The following NAV2 variants were observed in gnomAD, a reference collection of about 807,000 sequenced individuals.
NAV2 encodes the protein helicase, APC down-regulated 1.
In NAV2, 54 loss-of-function variants were observed where a neutral mutation model predicts 223.2. The ratio of observed to expected loss-of-function variants is 0.24; its 90% CI spans 0.19 to 0.30. The LOEUF is 0.30. NAV2 is among the 10% of genes least tolerant of loss of function. The probability of loss-of-function intolerance (pLI) is 1.00; values close to 1 mark genes in which losing one functional copy is unlikely to be tolerated. For synonymous variants in NAV2, 1,279 were observed against 1,239.3 expected (o/e 1.03, Z -0.67); for missense variants, 2,806 against 3,147.5 (o/e 0.89, Z 2.60).
intron 1 of NAV2, among the ~76,000 whole-genome samples, chr11:19,355,065 C>T (rs1157380152): frequency 6.6e-6 from 1 of 152,136 alleles, no homozygotes; most frequent in East Asian, 1.9e-4. Context: ...AAGTATTGTT[C>T]AGTGCTCTAA....
At chr11:19,438,311 C>G (rs920106803) in intron 1 of NAV2, among the ~76,000 whole-genome samples, 1 of 152,226 alleles carries the variant, frequency 6.6e-6, no homozygotes, top group Admixed American at 6.5e-5. Flanking sequence ...GATTAAGTAG[C>G]AGTCATCAAC....
At chr11:19,578,860 T>C (rs530978336) in intron 1 of NAV2, among the ~76,000 whole-genome samples, 3 of 152,296 alleles carry the variant, frequency 2.0e-5, no homozygotes, top group Non-Finnish European at 4.4e-5. Context: ...AGGAAAGGTT[T>C]GCTACCTTTG....
intron 1 of NAV2, among the ~76,000 whole-genome samples, chr11:19,527,015 T>G (rs977714161): frequency 6.6e-6 from 1 of 152,168 alleles, no homozygotes; most frequent in Non-Finnish European, 1.5e-5. Flanking sequence ...TTCTCCATGC[T>G]ATGGCATCTT....
At chr11:19,817,736 C>T (rs1320937180) in intron 1 of NAV2, among the ~76,000 whole-genome samples, 1 of 152,186 alleles carries the variant, frequency 6.6e-6, no homozygotes, top group African/African-American at 2.4e-5. Context: ...CATGCTCTAC[C>T]CACTTGGCCC....
At chr11:19,475,773 A>C (rs913096503) in intron 1 of NAV2, among the ~76,000 whole-genome samples, 6 of 152,242 alleles carry the variant, frequency 3.9e-5, no homozygotes, top group Admixed American at 1.3e-4. Flanking sequence ...GCCTGAAAAA[A>C]ATAGTTGTTC....
chr11:20,091,092 C>A, intron 27 of NAV2, 74 bp downstream of exon 27: 2 of 1,524,270 alleles, frequency 1.3e-6, no homozygotes, highest in Non-Finnish European at 8.9e-7. Flanking sequence ...CTCCACTAAG[C>A]CCTGAGGGCT....
chr11:20,024,423 T>G (rs950716152), intron 11 of NAV2, among the ~76,000 whole-genome samples: 1 of 152,192 alleles, frequency 6.6e-6, no homozygotes, highest in African/African-American at 2.4e-5. Flanking sequence ...GGCCTTGGGC[T>G]GCTGAGGCTG....
chr11:19,486,162 A>G (rs2042438457), intron 1 of NAV2, among the ~76,000 whole-genome samples: 1 of 152,170 alleles, frequency 6.6e-6, no homozygotes, highest in Non-Finnish European at 1.5e-5. Context: ...CCTCTGGACT[A>G]CAAAGCCAAC....
At chr11:19,440,109 A>T (rs1179557035) in intron 1 of NAV2, among the ~76,000 whole-genome samples, 2 of 152,244 alleles carry the variant, frequency 1.3e-5, no homozygotes, top group African/African-American at 4.8e-5. Context: ...TCACACACGT[A>T]AAAAATAATC....
chr11:20,094,223 C>CTTTTTTTTTTTTTTTTTTTTT (rs61099684), intron 29 of NAV2, among the ~76,000 whole-genome samples: 1 of 88,522 alleles, frequency 1.1e-5, no homozygotes, highest in Non-Finnish European at 2.0e-5. Flanking sequence ...TTTTCTTTAT[C>CTTTTTTTTTTTTTTTTTTTTT]TTTTTTTTTT....
Position 19,984,134 on chromosome 11 carries a change from T to C in NAV2, c.2655T>C (p.Thr885=). The change falls in exon 11 of 38, where the codon ACT becomes ACC. Residue 885 remains threonine (T), a synonymous_variant. Coordinates refer to ENST00000349880, the MANE Select transcript of NAV2 (RefSeq NM_145117.5). Reference sequence around the variant, plus strand: ...TCTTCTCCTTTTAAAGATACATGACTGATGGTGGACTTGGCCTCTATACCC... The same window carrying C: ...TCTTCTCCTTTTAAAGATACATGACCGATGGTGGACTTGGCCTCTATACCC... The part of the protein sequence containing the change: ...RTDDITSGYM[T]DGGLGLYTRR... 1.2e-6 allele frequency: 2 copies of C among 1,614,164 alleles called. No individual in the cohort carries two copies. The highest frequency in any genetic ancestry group is 1.7e-6 in the Non-Finnish European group (2 of 1,180,022).
At chr11:20,086,323 C>G (rs933754557) in intron 26 of NAV2, among the ~76,000 whole-genome samples, 1 of 152,202 alleles carries the variant, frequency 6.6e-6, no homozygotes, top group African/African-American at 2.4e-5. Flanking sequence ...CAATCACACT[C>G]TCCACCTCAA....
chr11:20,115,631 C>CAAAAAA (rs386373266), intron 37 of NAV2, among the ~76,000 whole-genome samples: 5 of 47,870 alleles, frequency 1.0e-4, no homozygotes, highest in African/African-American at 3.2e-4. Context: ...GACTCCGTCT[C>CAAAAAA]AAAAAAAAAA....
chr11:20,016,202 C>T (rs552787454), intron 11 of NAV2, among the ~76,000 whole-genome samples: 39 of 152,224 alleles, frequency 2.6e-4, no homozygotes, highest in African/African-American at 8.9e-4. Context: ...TTGATATAGC[C>T]GATTGGCACC....
chr11:19,420,038 C>T (rs943155152), intron 1 of NAV2, among the ~76,000 whole-genome samples: 1 of 152,098 alleles, frequency 6.6e-6, no homozygotes, highest in African/African-American at 2.4e-5. Context: ...AGGTGAGGTC[C>T]TCTGAGTCAG....
chr11:19,828,994 G>A (rs2152889146), intron 1 of NAV2, among the ~76,000 whole-genome samples: 1 of 152,322 alleles, frequency 6.6e-6, no homozygotes, highest in East Asian at 1.9e-4. Context: ...ATGTGCACTT[G>A]TTGAAATAAG....
intron 1 of NAV2, among the ~76,000 whole-genome samples, chr11:19,507,771 C>T (rs983069311): frequency 6.6e-6 from 1 of 152,188 alleles, no homozygotes; most frequent in Non-Finnish European, 1.5e-5. Context: ...ACCTATATGT[C>T]CCTATGTTGT....
chr11:19,514,479 C>A (rs2043379312), intron 1 of NAV2, among the ~76,000 whole-genome samples: 1 of 152,218 alleles, frequency 6.6e-6, no homozygotes, highest in African/African-American at 2.4e-5. Flanking sequence ...CCACAGGATT[C>A]TCCACACAGC....
At chr11:19,517,119 T>C (rs963860541) in intron 1 of NAV2, among the ~76,000 whole-genome samples, 1 of 152,120 alleles carries the variant, frequency 6.6e-6, no homozygotes, top group African/African-American at 2.4e-5. Context: ...GAGAAAGTAG[T>C]AGAAGGAATC....
Sources: gnomAD v4.1 joint callset for allele counts (sites outside exome capture counted in the v4.1 genomes callset) on GRCh38, gnomAD v4.1.1 for gene constraint, MANE v1.5 for transcripts, NCBI Gene and HGNC (gene_info 2026-07-23, HGNC 2026-07-21) for gene names.